DEPTOR: variants seen among roughly 807,000 people sequenced by gnomAD.
The protein encoded by DEPTOR is DEP domain-containing mTOR-interacting protein.
Under a neutral mutation model 41.6 loss-of-function variants are expected in DEPTOR, and 41 were observed. That is an observed-to-expected ratio of 0.98 (90% CI 0.77 to 1.28). The LOEUF is 1.28. DEPTOR is among the 50% of genes most tolerant of loss of function. The probability of loss-of-function intolerance (pLI) is 0.00; values close to 1 mark genes in which losing one functional copy is unlikely to be tolerated. For synonymous variants in DEPTOR, 195 were observed against 192.3 expected (o/e 1.01, Z -0.12); for missense variants, 514 against 527.9 (o/e 0.97, Z 0.26).
chr8:120,041,432 G>A (rs575979359), intron 8 of DEPTOR, among the ~76,000 whole-genome samples: 6 of 152,324 alleles, frequency 3.9e-5, no homozygotes, highest in East Asian at 1.9e-4. Context: ...GAGGAAGGCT[G>A]GAGTTCAGCC....
At chr8:119,992,246 T>C (rs1324678921) in intron 4 of DEPTOR, among the ~76,000 whole-genome samples, 3 of 152,228 alleles carry the variant, frequency 2.0e-5, no homozygotes, top group Non-Finnish European at 4.4e-5. Flanking sequence ...GCCACCCTTG[T>C]GCACTTGGTG....
chr8:119,943,834 T>TTTA (rs1176527626), intron 3 of DEPTOR, among the ~76,000 whole-genome samples: 5 of 151,988 alleles, frequency 3.3e-5, no homozygotes, highest in African/African-American at 9.7e-5. Context: ...TAATTTTTAT[T>TTTA]TTATTATTAT....
At position 119,873,932 on chromosome 8, in the gene DEPTOR, G is replaced by T. The variant is rs773370656; in HGVS notation, c.86G>T (p.Arg29Leu). ...GGGGCGCAGCAAAGGGAGCTGGAGC[G>T]CATGGCTGAGGTCTTGGTCACCGGG... ...SGGAQQRELERMAEVLVTGEQ... is the reference protein window; with the variant it reads ...SGGAQQRELELMAEVLVTGEQ... The change falls in exon 1 of 9, where the codon CGC becomes CTC. Residue 29 changes from arginine to leucine, a missense_variant. Transcript: ENST00000286234. 8.1e-6 allele frequency: 13 copies of T among 1,613,642 alleles called. No individual in the cohort carries two copies. In the South Asian group the frequency reaches 1.1e-4, roughly 14 times the overall value.
At chr8:120,002,321 G>A (rs57680468) in intron 5 of DEPTOR, among the ~76,000 whole-genome samples, 22,958 of 151,676 alleles carry the variant, frequency 0.15, 2,798 homozygotes, top group African/African-American at 0.33. Flanking sequence ...TGTATTTTTA[G>A]TAGAGATAGG....
chr8:119,953,810 T>TC, intron 3 of DEPTOR, among the ~76,000 whole-genome samples: 1 of 149,894 alleles, frequency 6.7e-6, no homozygotes, highest in East Asian at 2.0e-4. Context: ...TCTTTTTTTT[T>TC]TTTTTTTTTC....
At chr8:120,031,347 C>A (rs1377688641) in intron 8 of DEPTOR, among the ~76,000 whole-genome samples, 1 of 152,054 alleles carries the variant, frequency 6.6e-6, no homozygotes, top group African/African-American at 2.4e-5. Flanking sequence ...CACCTGTAAT[C>A]CCAGCTACTT....
At chr8:119,961,500 T>G (rs1362988553) in intron 3 of DEPTOR, among the ~76,000 whole-genome samples, 1 of 152,082 alleles carries the variant, frequency 6.6e-6, no homozygotes, top group East Asian at 1.9e-4. Flanking sequence ...TTTGAATTCC[T>G]TGTCCAGTGT....
At position 120,049,574 on chromosome 8, in the gene DEPTOR, A is replaced by C. The variant is rs752256901; in HGVS notation, c.1102-2A>C. 13 of 1,612,896 alleles carry C rather than the reference A, an allele frequency of 8.1e-6. No homozygotes were observed. In the Admixed American group the frequency reaches 2.2e-4, roughly 27 times the overall value. On this transcript the variant is annotated splice_acceptor_variant, in intron 8 of 8. Transcript: ENST00000286234. LOFTEE classifies it high-confidence loss of function. ...TGCTCTTTCTTTGCATCTTTCCTTT[A>C]GGTCTGTCAGTTTGTCGTCTCTGTC...
At chr8:119,905,665 T>C (rs1827653674) in intron 1 of DEPTOR, among the ~76,000 whole-genome samples, 2 of 151,594 alleles carry the variant, frequency 1.3e-5, no homozygotes, top group Non-Finnish European at 2.9e-5. Context: ...GAGTCTTGCT[T>C]TGTTGCCCAG....
intron 1 of DEPTOR, among the ~76,000 whole-genome samples, chr8:119,884,916 C>T (rs1451445849): frequency 6.6e-6 from 1 of 152,034 alleles, no homozygotes; most frequent in Non-Finnish European, 1.5e-5. Context: ...GCTGGGACTA[C>T]AGGCATGAAC....
At chr8:119,917,145 C>T (rs568438948) in intron 1 of DEPTOR, among the ~76,000 whole-genome samples, 210 of 152,164 alleles carry the variant, frequency 1.4e-3, no homozygotes, top group Non-Finnish European at 2.2e-3. Context: ...GTTTCGTCTT[C>T]AAAGTATCTT....
At chr8:120,019,768 T>G (rs1812670609) in intron 8 of DEPTOR, among the ~76,000 whole-genome samples, 1 of 152,206 alleles carries the variant, frequency 6.6e-6, no homozygotes, top group African/African-American at 2.4e-5. Flanking sequence ...GAAATAAATC[T>G]GAATAATTCT....
chr8:120,034,678 G>A (rs1413380077), intron 8 of DEPTOR, among the ~76,000 whole-genome samples: 3 of 151,862 alleles, frequency 2.0e-5, no homozygotes, highest in Non-Finnish European at 4.4e-5. Context: ...TTGAACTCCC[G>A]ACCTCAAGTG....
chr8:119,884,805 C>A (rs905037524), intron 1 of DEPTOR, among the ~76,000 whole-genome samples: 2 of 147,248 alleles, frequency 1.4e-5, no homozygotes, highest in African/African-American at 5.4e-5. Context: ...CCTCTGCTCC[C>A]AGGGTTCAAG....
At chr8:119,962,744 A>T (rs1480333268) in intron 3 of DEPTOR, among the ~76,000 whole-genome samples, 2 of 152,210 alleles carry the variant, frequency 1.3e-5, no homozygotes, top group African/African-American at 4.8e-5. Flanking sequence ...TGCATAGTAT[A>T]GTCAATTAAG....
intron 3 of DEPTOR, among the ~76,000 whole-genome samples, chr8:119,943,096 G>T (rs540933146): frequency 1.3e-5 from 2 of 152,286 alleles, no homozygotes; most frequent in South Asian, 4.1e-4. Flanking sequence ...CCAAGAGGCT[G>T]ACTTACATGG....
chr8:119,987,743 C>T (rs1828847918), intron 4 of DEPTOR, among the ~76,000 whole-genome samples: 1 of 152,156 alleles, frequency 6.6e-6, no homozygotes, highest in South Asian at 2.1e-4. Flanking sequence ...GAGAGGCAGC[C>T]TGGCTACAAT....
intron 1 of DEPTOR, among the ~76,000 whole-genome samples, chr8:119,883,066 T>G (rs1023637411): frequency 6.6e-6 from 1 of 152,130 alleles, no homozygotes; most frequent in Non-Finnish European, 1.5e-5. Context: ...AGGATCAACT[T>G]GAGCTATTTT....
At chr8:120,033,195 C>G (rs190393343) in intron 8 of DEPTOR, among the ~76,000 whole-genome samples, 1 of 149,036 alleles carries the variant, frequency 6.7e-6, no homozygotes, top group African/African-American at 2.5e-5. Flanking sequence ...TCAAGCAATT[C>G]TCCTGCCTCA....
Sources: allele counts gnomAD v4.1 joint callset (sites outside exome capture counted in the v4.1 genomes callset), GRCh38; gene constraint gnomAD v4.1.1; transcripts MANE v1.5; gene names NCBI Gene and HGNC (gene_info 2026-07-23, HGNC 2026-07-21).